The following MEP1B variants were observed in gnomAD, a reference collection of about 807,000 sequenced individuals.
The protein encoded by MEP1B is N-benzoyl-L-tyrosyl-P-amino-benzoic acid hydrolase subunit beta.
In MEP1B, 80 loss-of-function variants were observed where a neutral mutation model predicts 84.6. The ratio of observed to expected loss-of-function variants is 0.95; its 90% CI spans 0.79 to 1.14. MEP1B has a LOEUF of 1.14. Among genes scored for constraint, MEP1B ranks in the 50% most tolerant of loss-of-function variants. The probability of loss-of-function intolerance (pLI) is 0.00; values close to 1 mark genes in which losing one functional copy is unlikely to be tolerated. For missense variants in MEP1B, 766 were observed against 855.1 expected, an observed-to-expected ratio of 0.90 and a Z score of 1.30; for synonymous variants, 273 against 288.1, an observed-to-expected ratio of 0.95 and a Z score of 0.53.
intron 12 of MEP1B, among the ~76,000 whole-genome samples, chr18:32,215,975 T>TGC (rs2041084426): frequency 4.2e-4 from 1 of 2,382 alleles, no homozygotes; most frequent in Admixed American, 6.0e-3. Flanking sequence ...TATGCATATA[T>TGC]ATATATATAT....
intron 1 of MEP1B, among the ~76,000 whole-genome samples, chr18:32,191,546 G>T (rs2040801699): frequency 1.3e-5 from 2 of 151,930 alleles, no homozygotes; most frequent in Admixed American, 1.3e-4. Context: ...CTTATGTTCT[G>T]CCTTTTCCCC....
chr18:32,190,690 T>C lies in MEP1B; in HGVS notation c.63+557T>C, dbSNP rs185240247. Among the ~76,000 whole-genome samples the C allele has an allele frequency of 1.9e-4, 29 of 152,202 alleles. No individual in the cohort carries two copies. In the East Asian group the frequency reaches 5.6e-3, roughly 29 times the overall value. ...TAAAATAACAATTATTATATTGGGG[T>C]GATATTCTATGAATAGGAACTAGAA... On this transcript the variant is annotated intron_variant, in intron 1 of 14. Transcript: ENST00000269202.
At chr18:32,195,527 C>A in intron 5 of MEP1B, 42 bp downstream of exon 5, 1 of 1,279,406 alleles carries the variant, frequency 7.8e-7, no homozygotes, top group Non-Finnish European at 1.1e-6. Flanking sequence ...ATGTCTATTT[C>A]TGACAAAATA....
Position 32,196,259 on chromosome 18 carries a change from CGCTGGCCAT to C in MEP1B, c.250+780_250+788del. ...TTGATGCCTTTGAACTGCTCCAAGA[CGCTGGCCAT>C]GCTGGGGGCTGTGAAGTTGAGGGGC... On this transcript the variant is annotated intron_variant, in intron 5 of 14. Transcript: ENST00000269202. The surrounding 1 kb of genome is among the most constrained non-coding windows in gnomAD (Gnocchi z 4.4). 1 of 706,082 alleles carries C rather than the reference CGCTGGCCAT, an allele frequency of 1.4e-6. No individual in the cohort carries two copies. Among genetic ancestry groups the C allele is most frequent in the Non-Finnish European group, 2.7e-6 (1 of 376,400 alleles). The allele number at this position is 706,082 out of a possible 1,614,324, so 43.7% of individuals were successfully genotyped here.
chr18:32,210,414 G>A (rs111458863), intron 9 of MEP1B, 87 bp from the exon 10 acceptor site: 27 of 1,107,978 alleles, frequency 2.4e-5, no homozygotes, highest in Admixed American at 2.4e-5. Context: ...CTTATGCCTC[G>A]CGTAAAGAAT....
At chr18:32,192,171 C>T (rs553026773) in intron 2 of MEP1B, among the ~76,000 whole-genome samples, 26 of 152,110 alleles carry the variant, frequency 1.7e-4, no homozygotes, top group Admixed American at 7.9e-4. Context: ...CTTGCATACT[C>T]GGAGATTTGG....
intron 9 of MEP1B, 79 bp downstream of exon 9, chr18:32,208,350 A>C: frequency 7.5e-7 from 1 of 1,333,792 alleles, no homozygotes; most frequent in Non-Finnish European, 1.0e-6. Flanking sequence ...ATGGGATTTT[A>C]TCTCTAATTT....
At chr18:32,195,975 C>T (rs1479888971) in intron 5 of MEP1B, 3 of 318,476 alleles carry the variant, frequency 9.4e-6, no homozygotes, top group African/African-American at 4.4e-5. Context: ...GAGTCTGGAT[C>T]CCTGGTGAGT....
At chr18:32,217,299 G>A (rs914057400) in intron 13 of MEP1B, among the ~76,000 whole-genome samples, 182 bp downstream of exon 13, 27 of 151,352 alleles carry the variant, frequency 1.8e-4, no homozygotes, top group African/African-American at 6.3e-4. Context: ...AACTATCTTT[G>A]TGATAGCCAA....
intron 11 of MEP1B, among the ~76,000 whole-genome samples, chr18:32,213,889 T>G (rs186982472): frequency 2.9e-4 from 44 of 152,316 alleles, no homozygotes; most frequent in African/African-American, 1.0e-3. Flanking sequence ...TCTCATTAGT[T>G]ATGTAATCTT....
chr18:32,215,294 GTTT>G, intron 12 of MEP1B, 33 bp downstream of exon 12: 2 of 1,339,604 alleles, frequency 1.5e-6, no homozygotes, highest in East Asian at 5.0e-5. Flanking sequence ...ATATAAACTA[GTTT>G]TTTTTTGTTG....
chr18:32,201,706 CT>C (rs1258912732), intron 5 of MEP1B, among the ~76,000 whole-genome samples: 1 of 151,990 alleles, frequency 6.6e-6, no homozygotes, highest in Non-Finnish European at 1.5e-5. Context: ...TTTTAAATTT[CT>C]TTTTATTCAT....
At chr18:32,216,364 T>G (rs1016093488) in intron 12 of MEP1B, among the ~76,000 whole-genome samples, 1 of 152,172 alleles carries the variant, frequency 6.6e-6, no homozygotes, top group Non-Finnish European at 1.5e-5. Flanking sequence ...TCTTTGACCA[T>G]AGCGATTTCA....
At chr18:32,202,056 G>A (rs2040918069) in intron 5 of MEP1B, among the ~76,000 whole-genome samples, 1 of 152,190 alleles carries the variant, frequency 6.6e-6, no homozygotes, top group Non-Finnish European at 1.5e-5. Context: ...TCCAAAGGTT[G>A]ATTGAATTGG....
chr18:32,203,236 T>A (rs2040930938), intron 6 of MEP1B: 1 of 426,494 alleles, frequency 2.3e-6, no homozygotes. Flanking sequence ...TGGGATTGCA[T>A]GCCATCAGAC....
At position 32,196,299 on chromosome 18, in the gene MEP1B, G is replaced by T. The variant is rs759569739; in HGVS notation, c.250+814G>T. The T allele has an allele frequency of 9.1e-5, 64 of 706,096 alleles. No individual in the cohort carries two copies. The highest frequency in any genetic ancestry group is 1.5e-4 in the South Asian group (10 of 67,626). The allele number at this position is 706,096 out of a possible 1,614,324, so 43.7% of individuals were successfully genotyped here. A position where few individuals can be genotyped will look rare whatever the true frequency, so the allele number is the denominator to read the frequency against. On this transcript the variant is annotated intron_variant, in intron 5 of 14. Transcript: ENST00000269202. This position sits in a 1 kb window ranked among gnomAD's most constrained non-coding sequence, Gnocchi z 4.4. ...GGGCTGTGAAGTTGAGGGGCGGGAT[G>T]TTGTTGCTGGAGCCGTTGCGGTAGA...
At chr18:32,197,780 T>G (rs966067108) in intron 5 of MEP1B, among the ~76,000 whole-genome samples, 16 of 152,314 alleles carry the variant, frequency 1.1e-4, no homozygotes, top group African/African-American at 3.8e-4. Context: ...TGTGCAGGTT[T>G]GTTACATGGG....
chr18:32,197,409 T>TG (rs1023737748), intron 5 of MEP1B, among the ~76,000 whole-genome samples: 36 of 151,000 alleles, frequency 2.4e-4, no homozygotes, highest in Non-Finnish European at 4.1e-4. Context: ...ATTTTTGTTT[T>TG]TTTTTTTTTG....
intron 11 of MEP1B, 56 bp from the exon 12 acceptor site, chr18:32,215,023 TACC>T: frequency 7.8e-7 from 1 of 1,278,242 alleles, no homozygotes; most frequent in South Asian, 1.3e-5. Flanking sequence ...TGTTCTTTCC[TACC>T]ACCAAAAGCT....
Sources: gnomAD v4.1 joint callset for allele counts (sites outside exome capture counted in the v4.1 genomes callset) on GRCh38, gnomAD v4.1.1 for gene constraint, Gnocchi (gnomAD v3.1) non-coding constraint, MANE v1.5 for transcripts, NCBI Gene and HGNC (gene_info 2026-07-23, HGNC 2026-07-21) for gene names.